CRIM1: variants seen among roughly 807,000 people sequenced by gnomAD.
CRIM1 encodes the protein cysteine-rich motor neuron 1 protein.
A neutral mutation model predicts 116.4 loss-of-function variants in CRIM1; 32 were observed. The observed-to-expected ratio is 0.27, with a 90% CI of 0.21 to 0.37. The LOEUF is 0.37. Among genes scored for constraint, CRIM1 ranks in the 10% least tolerant of loss-of-function variants. The pLI, the probability that CRIM1 is intolerant of heterozygous loss-of-function variation, is 1.00. For synonymous variants in CRIM1, 590 were observed against 509.2 expected, an observed-to-expected ratio of 1.16 and a Z score of -2.13; for missense variants, 1,331 against 1,354.8, an observed-to-expected ratio of 0.98 and a Z score of 0.28.
chr2:36,389,014 A>G (rs1558528019), intron 1 of CRIM1, among the ~76,000 whole-genome samples: 1 of 152,208 alleles, frequency 6.6e-6, no homozygotes, highest in Non-Finnish European at 1.5e-5. Context: ...GTCTTCAACA[A>G]ATATTTGTGT....
chr2:36,491,184 G>T (rs1259869560), intron 7 of CRIM1, among the ~76,000 whole-genome samples: 1 of 152,186 alleles, frequency 6.6e-6, no homozygotes, highest in Non-Finnish European at 1.5e-5. Context: ...CTTACATTAA[G>T]AATTTTATAG....
At chr2:36,536,101 C>T (rs997860046) in intron 13 of CRIM1, among the ~76,000 whole-genome samples, 4 of 152,336 alleles carry the variant, frequency 2.6e-5, no homozygotes, top group Middle Eastern at 3.4e-3. Flanking sequence ...TGGAAAAGCT[C>T]AGTCTGAAGC....
At chr2:36,543,664 T>C (rs910472185) in intron 14 of CRIM1, among the ~76,000 whole-genome samples, 6 of 150,662 alleles carry the variant, frequency 4.0e-5, no homozygotes, top group Non-Finnish European at 8.8e-5. Flanking sequence ...AAAGAAATAT[T>C]TGTAGGAGCT....
chr2:36,435,653 A>T (rs928233685), intron 2 of CRIM1, among the ~76,000 whole-genome samples: 1 of 150,220 alleles, frequency 6.7e-6, no homozygotes, highest in Non-Finnish European at 1.5e-5. Context: ...TGGCAAAAAC[A>T]GCGATTGCTT....
chr2:36,511,900 G>A (rs1041722428), intron 9 of CRIM1, among the ~76,000 whole-genome samples: 2 of 152,186 alleles, frequency 1.3e-5, no homozygotes, highest in Non-Finnish European at 2.9e-5. Flanking sequence ...TGGGTGGATG[G>A]ATGGAGAAAC....
rs145219350 is a variant in CRIM1, at chr2:36,460,505, A to G, written c.870-4029A>G. Among the ~76,000 whole-genome samples the G allele has an allele frequency of 9.5e-3, 1,446 of 152,330 alleles. 12 individuals are homozygous for G. Among genetic ancestry groups the G allele is most frequent in the Non-Finnish European group, 0.015 (1,030 of 68,024 alleles). On this transcript the variant is annotated intron_variant, in intron 4 of 16. Coordinates refer to ENST00000280527, the MANE Select transcript of CRIM1 (RefSeq NM_016441.3). Reference sequence around the variant, plus strand: ...TGAGTATAAAACCACTGAATTGTGTACTTTAAAAGGGTGAATACTTATCGT... The same window carrying G: ...TGAGTATAAAACCACTGAATTGTGTGCTTTAAAAGGGTGAATACTTATCGT...
chr2:36,450,661 G>A (rs1676639942), intron 4 of CRIM1, among the ~76,000 whole-genome samples: 1 of 152,088 alleles, frequency 6.6e-6, no homozygotes. Context: ...GTAACTCCAG[G>A]AAAGGAAATA....
intron 10 of CRIM1, among the ~76,000 whole-genome samples, chr2:36,512,624 A>G (rs1352480654): frequency 6.6e-6 from 1 of 152,218 alleles, no homozygotes; most frequent in African/African-American, 2.4e-5. Context: ...CATTGACTAA[A>G]TTAATCACTT....
At chr2:36,512,424 CA>C (rs1293705036) in intron 10 of CRIM1, 30 bp downstream of exon 10, 4 of 1,575,990 alleles carry the variant, frequency 2.5e-6, no homozygotes, top group South Asian at 1.1e-5. Context: ...CCTTCCCCCT[CA>C]AAGCAGCCAG....
At chr2:36,395,584 A>G (rs11124515) in intron 1 of CRIM1, among the ~76,000 whole-genome samples, 111,266 of 152,070 alleles carry the variant, frequency 0.73, 41,734 homozygotes, top group East Asian at 0.99. Flanking sequence ...TGATTCTGTC[A>G]TATTCATTGC....
intron 2 of CRIM1, among the ~76,000 whole-genome samples, chr2:36,415,917 A>G (rs1673582357): frequency 6.6e-6 from 1 of 152,198 alleles, no homozygotes; most frequent in Admixed American, 6.5e-5. Flanking sequence ...TAAAAAAATA[A>G]TGGATTGGGG....
At chr2:36,495,915 G>A (rs756644303) in intron 7 of CRIM1, among the ~76,000 whole-genome samples, 14 of 151,946 alleles carry the variant, frequency 9.2e-5, no homozygotes, top group African/African-American at 2.4e-4. Flanking sequence ...TATTTTTGTC[G>A]TAATGTTGTT....
chr2:36,427,051 A>G (rs1392221025), intron 2 of CRIM1, among the ~76,000 whole-genome samples: 1 of 152,056 alleles, frequency 6.6e-6, no homozygotes, highest in African/African-American at 2.4e-5. Context: ...AAATACAAAA[A>G]TTAGCCGGGT....
chr2:36,385,957 T>G (rs1228304794), intron 1 of CRIM1, among the ~76,000 whole-genome samples: 1 of 152,230 alleles, frequency 6.6e-6, no homozygotes, highest in African/African-American at 2.4e-5. Flanking sequence ...CTGTGCTACC[T>G]CTTCACCTAG....
At chr2:36,472,653 G>A (rs1160063281) in intron 5 of CRIM1, among the ~76,000 whole-genome samples, 1 of 152,142 alleles carries the variant, frequency 6.6e-6, no homozygotes, top group African/African-American at 2.4e-5. Flanking sequence ...CAGGGTTGTG[G>A]CTTCACCCAG....
At chr2:36,363,851 T>C (rs1284916419) in intron 1 of CRIM1, among the ~76,000 whole-genome samples, 2 of 152,104 alleles carry the variant, frequency 1.3e-5, no homozygotes, top group East Asian at 3.9e-4. Flanking sequence ...CTCGACGCCA[T>C]GGGGGCTATG....
intron 1 of CRIM1, among the ~76,000 whole-genome samples, chr2:36,391,421 C>T (rs889636387): frequency 1.3e-5 from 2 of 152,098 alleles, no homozygotes; most frequent in Admixed American, 6.5e-5. Context: ...AGCCACCGCG[C>T]CCGGCCCACT....
chr2:36,443,047 G>A (rs746626305), intron 4 of CRIM1, among the ~76,000 whole-genome samples: 55 of 152,252 alleles, frequency 3.6e-4, no homozygotes, highest in Non-Finnish European at 6.9e-4. Context: ...GCAGTGAGGT[G>A]TCTATCAAGA....
chr2:36,400,415 A>G (rs1672326917), intron 2 of CRIM1, among the ~76,000 whole-genome samples: 1 of 152,140 alleles, frequency 6.6e-6, no homozygotes, highest in South Asian at 2.1e-4. Flanking sequence ...AATGATGAAG[A>G]TGCCAAGGAA....
Sources: gnomAD v4.1 joint callset for allele counts (sites outside exome capture counted in the v4.1 genomes callset) on GRCh38, gnomAD v4.1.1 for gene constraint, MANE v1.5 for transcripts, NCBI Gene and HGNC (gene_info 2026-07-23, HGNC 2026-07-21) for gene names.